SOX13: variants seen among roughly 807,000 people sequenced by gnomAD.
SOX13 encodes SRY-box transcription factor 13.
Under a neutral mutation model 71.8 loss-of-function variants are expected in SOX13, and 28 were observed. That is an observed-to-expected ratio of 0.39 (90% CI 0.29 to 0.53). The LOEUF is 0.53. SOX13 is among the 20% of genes least tolerant of loss of function. SOX13 has a pLI of 0.70. For synonymous variants in SOX13, 309 were observed against 317.8 expected (o/e 0.97, Z 0.29); for missense variants, 627 against 810.3 (o/e 0.77, Z 2.75).
rs776683406 is a variant in SOX13 at position 204,116,601 on chromosome 1, G to A, written c.513G>A (p.Ser171=). Residue 171 remains serine (S), a synonymous_variant, in exon 5 of 14, where the codon TCG becomes TCA. Transcript: ENST00000367204. ...GGGACCAGCTCCTGACAGCCCACTC[G>A]GAGCAGAAGAACATGGCTGCCATGC... ...TLRDQLLTAH[S]EQKNMAAMLF... The A allele has an allele frequency of 6.2e-6, 10 of 1,614,038 alleles. No individual in the cohort carries two copies. Among genetic ancestry groups the A allele is most frequent in the Admixed American group, 3.3e-5 (2 of 60,024 alleles).
chr1:204,102,378 G>A (rs1656377941), intron 1 of SOX13, among the ~76,000 whole-genome samples: 1 of 152,228 alleles, frequency 6.6e-6, no homozygotes, highest in Admixed American at 6.5e-5. Flanking sequence ...GGGCTCCAGA[G>A]GAAATGAGGG....
At position 204,126,238 on chromosome 1, in the gene SOX13, T is replaced by C; in HGVS notation, c.*104T>C. 7.8e-7 allele frequency: 1 copy of C among 1,285,150 alleles called. No individual in the cohort carries two copies. The highest frequency in any genetic ancestry group is 1.1e-6 in the Non-Finnish European group (1 of 922,522). The allele number at this position is 1,285,150 out of a possible 1,614,324, so 79.6% of individuals were successfully genotyped here. A position where few individuals can be genotyped will look rare whatever the true frequency, so the allele number is the denominator to read the frequency against. ...AGACTATGTTGGTACTTGGACTTGT[T>C]CGTGCCCCAGAGATGGGCAAAGCTG... On this transcript the variant is annotated 3_prime_UTR_variant, in exon 14 of 14. Coordinates refer to ENST00000367204, the MANE Select transcript of SOX13 (RefSeq NM_005686.3).
intron 1 of SOX13, among the ~76,000 whole-genome samples, chr1:204,075,519 A>G (rs1326414019): frequency 2.6e-5 from 4 of 152,228 alleles, no homozygotes; most frequent in African/African-American, 9.6e-5. Context: ...CGCATGCGAA[A>G]TGGGCAGAGT....
At chr1:204,112,372 C>T (rs994260292) in intron 1 of SOX13, among the ~76,000 whole-genome samples, 3 of 150,838 alleles carry the variant, frequency 2.0e-5, no homozygotes, top group Admixed American at 6.6e-5. Context: ...ACCTGGGAGG[C>T]GGAGGTTGCA....
chr1:204,077,783 C>T (rs931852186), intron 1 of SOX13, among the ~76,000 whole-genome samples: 2 of 152,056 alleles, frequency 1.3e-5, no homozygotes, highest in Non-Finnish European at 2.9e-5. Flanking sequence ...CTACAATGGT[C>T]GTGAATTACT....
intron 1 of SOX13, among the ~76,000 whole-genome samples, chr1:204,074,609 A>G (rs1655747316): frequency 6.6e-6 from 1 of 152,182 alleles, no homozygotes; most frequent in South Asian, 2.1e-4. Context: ...GGATTCGCTC[A>G]GCTGCCCGCA....
chr1:204,116,977 C>A, intron 5 of SOX13, 145 bp from the exon 6 acceptor site: 2 of 855,788 alleles, frequency 2.3e-6, no homozygotes, highest in Non-Finnish European at 3.7e-6. Flanking sequence ...AGAACCAATT[C>A]TGAGGGCTGA....
rs190380859 is a variant in SOX13, at chr1:204,109,352, C to T, written c.-1-3563C>T. On this transcript the variant is annotated intron_variant, in intron 1 of 13. Coordinates refer to ENST00000367204, the MANE Select transcript of SOX13 (RefSeq NM_005686.3). Reference sequence around the variant, plus strand: ...GCTTGCCTACCAATGTCTCTGTCAACGACCGAACACATATAGGACAGTGGT... The same window carrying T: ...GCTTGCCTACCAATGTCTCTGTCAATGACCGAACACATATAGGACAGTGGT... 1.7e-4 allele frequency among the ~76,000 whole-genome samples: 26 copies of T among 152,330 alleles called. No individual in the cohort carries two copies. The East Asian group carries it at 3.3e-3, about 19-fold the overall frequency.
chr1:204,085,450 A>G (rs1655996832), intron 1 of SOX13, among the ~76,000 whole-genome samples: 1 of 152,356 alleles, frequency 6.6e-6, no homozygotes, highest in Non-Finnish European at 1.5e-5. Context: ...TAAGGGCTCA[A>G]ATCTAGCCAG....
rs201094758 is a variant in SOX13 at position 204,082,541 on chromosome 1, CG to C, written c.-2+8834del. On this transcript the variant is annotated intron_variant, in intron 1 of 13. Transcript: ENST00000367204. ...CTCCTTTTGCTGTCAACTTTGTTTC[CG>C]GGGCAGTCATGGAACCCCAGCCATC... 5.2e-3 allele frequency among the ~76,000 whole-genome samples: 787 copies of C among 152,222 alleles called. 8 individuals are homozygous for C. Among genetic ancestry groups the C allele is most frequent in the African/African-American group, 0.016 (660 of 41,518 alleles).
chr1:204,122,038 G>T, intron 8 of SOX13, 53 bp downstream of exon 8: 1 of 1,345,354 alleles, frequency 7.4e-7, no homozygotes, highest in Admixed American at 1.8e-5. Context: ...TATGACGGCC[G>T]GCTGCCGTGT....
At chr1:204,094,389 G>A (rs943910759) in intron 1 of SOX13, among the ~76,000 whole-genome samples, 5 of 152,200 alleles carry the variant, frequency 3.3e-5, no homozygotes, top group Non-Finnish European at 7.3e-5. Context: ...CTGTGAAGGT[G>A]GAGAGTCATG....
chr1:204,084,741 A>T (rs994858211), intron 1 of SOX13, among the ~76,000 whole-genome samples: 1 of 152,028 alleles, frequency 6.6e-6, no homozygotes, highest in African/African-American at 2.4e-5. Flanking sequence ...ATCAGTGACC[A>T]GGTCAGCCAG....
At chr1:204,124,595 CA>C (rs755551967) in intron 12 of SOX13, 45 bp from the exon 13 acceptor site, 1 of 1,528,494 alleles carries the variant, frequency 6.5e-7, no homozygotes, top group Non-Finnish European at 8.9e-7. Context: ...TGGGGGTGGT[CA>C]GCAGAGCCCA....
intron 1 of SOX13, among the ~76,000 whole-genome samples, chr1:204,082,378 G>A (rs898996266): frequency 2.6e-5 from 4 of 152,052 alleles, no homozygotes; most frequent in African/African-American, 7.2e-5. Flanking sequence ...GACATTAGAC[G>A]GATGTCAAGA....
intron 1 of SOX13, among the ~76,000 whole-genome samples, chr1:204,076,050 C>T (rs1291354706): frequency 6.6e-6 from 1 of 152,154 alleles, no homozygotes; most frequent in African/African-American, 2.4e-5. Flanking sequence ...TTGTCTAGTG[C>T]CATCTTCTCG....
intron 1 of SOX13, among the ~76,000 whole-genome samples, chr1:204,098,276 G>T (rs750732043): frequency 6.6e-6 from 1 of 152,168 alleles, no homozygotes; most frequent in Non-Finnish European, 1.5e-5. Context: ...TCAGGAGTTC[G>T]AAACTAGCCT....
At chr1:204,089,861 C>T (rs902704990) in intron 1 of SOX13, among the ~76,000 whole-genome samples, 2 of 152,202 alleles carry the variant, frequency 1.3e-5, no homozygotes, top group Non-Finnish European at 2.9e-5. Context: ...TCATTCTTCC[C>T]ATTTTCCCTC....
In SOX13 at chr1:204,073,302, G is replaced by A. The variant is rs985524422; in HGVS notation, c.-411G>A. 1 of 152,650 alleles carries A rather than the reference G, an allele frequency of 6.6e-6. No homozygotes were observed. The highest frequency in any genetic ancestry group is 2.4e-5 in the African/African-American group (1 of 41,472). 9.5% of individuals were successfully genotyped at this position (152,650 alleles called of 1,614,324 possible). On this transcript the variant is annotated 5_prime_UTR_variant, in exon 1 of 14. Coordinates refer to ENST00000367204, the MANE Select transcript of SOX13 (RefSeq NM_005686.3). This position sits in a 1 kb window ranked among gnomAD's most constrained non-coding sequence, Gnocchi z 6.8. ...GAGGCGCTGAGGTTGGAGCCGGAGA[G>A]CGTGAGAGCCGAAGAGCAGGGAGGG...
Sources: allele counts gnomAD v4.1 joint callset (sites outside exome capture counted in the v4.1 genomes callset), GRCh38; gene constraint gnomAD v4.1.1; non-coding constraint Gnocchi (gnomAD v3.1); transcripts MANE v1.5; gene names NCBI Gene and HGNC (gene_info 2026-07-23, HGNC 2026-07-21).